The following PCDH15 variants were observed in gnomAD, a reference collection of about 807,000 sequenced individuals.
PCDH15 encodes protocadherin related 15, also known as protocadherin-15.
Under a neutral mutation model 178.5 loss-of-function variants are expected in PCDH15, and 129 were observed. The ratio of observed to expected loss-of-function variants is 0.72; its 90% CI spans 0.63 to 0.84. The LOEUF (loss-of-function observed/expected upper bound fraction) is 0.84, where lower values mean the gene tolerates loss of function less well. PCDH15 is among the 40% of genes least tolerant of loss of function. The pLI, the probability that PCDH15 is intolerant of heterozygous loss-of-function variation, is 0.00. For missense variants in PCDH15, 2,230 were observed against 2,099.9 expected (o/e 1.06, Z -1.21); for synonymous variants, 800 against 732.0 (o/e 1.09, Z -1.50).
chr10:54,697,534 T>TATATATATATATATAC (rs1256170283), intron 1 of PCDH15, among the ~76,000 whole-genome samples: 9 of 150,730 alleles, frequency 6.0e-5, no homozygotes, highest in African/African-American at 2.2e-4. Flanking sequence ...TATATATATA[T>TATATATATATATATAC]ACCTCTTTAC....
intron 2 of PCDH15, among the ~76,000 whole-genome samples, chr10:55,461,093 G>A (rs937310231): frequency 6.6e-6 from 1 of 152,122 alleles, no homozygotes; most frequent in African/African-American, 2.4e-5. Context: ...TGGGTGGCTT[G>A]TTTCAAGCTT....
chr10:55,098,052 A>C (rs537732471), intron 2 of PCDH15, among the ~76,000 whole-genome samples: 2 of 152,296 alleles, frequency 1.3e-5, no homozygotes, highest in East Asian at 3.9e-4. Context: ...AAAAAGGAAG[A>C]ACTGGAGGTG....
At chr10:55,442,483 A>T (rs371681680) in intron 2 of PCDH15, among the ~76,000 whole-genome samples, 2,088 of 124,308 alleles carry the variant, frequency 0.017, 62 homozygotes, top group African/African-American at 0.059. Context: ...TATATATATT[A>T]TATATATATA....
chr10:54,513,241 G>GTTTA (rs201541722), intron 3 of PCDH15, among the ~76,000 whole-genome samples: 18,603 of 145,904 alleles, frequency 0.13, 1,491 homozygotes, highest in African/African-American at 0.22. Context: ...ATTTATTTTT[G>GTTTA]TTTATTTATT....
chr10:55,030,295 G>T (rs1840578251), intron 2 of PCDH15, among the ~76,000 whole-genome samples: 1 of 152,098 alleles, frequency 6.6e-6, no homozygotes, highest in Non-Finnish European at 1.5e-5. Flanking sequence ...CATGCCAGAG[G>T]GCTGAGGAAT....
intron 11 of PCDH15, among the ~76,000 whole-genome samples, chr10:54,191,504 T>C (rs1218433711): frequency 6.6e-6 from 1 of 152,140 alleles, no homozygotes; most frequent in African/African-American, 2.4e-5. Flanking sequence ...CCAAATGTTA[T>C]AGGTGAATTA....
At chr10:55,398,170 C>CAAAA (rs11423297) in intron 2 of PCDH15, among the ~76,000 whole-genome samples, 1 of 145,680 alleles carries the variant, frequency 6.9e-6, no homozygotes, top group Non-Finnish European at 1.5e-5. Flanking sequence ...TCTGTTTTAC[C>CAAAA]AAAAAAAAAA....
At chr10:54,085,474 G>A (rs976163768) in intron 16 of PCDH15, among the ~76,000 whole-genome samples, 1 of 152,092 alleles carries the variant, frequency 6.6e-6, no homozygotes, top group Non-Finnish European at 1.5e-5. Context: ...ATATTTATAA[G>A]GGAAGTTGCC....
intron 2 of PCDH15, among the ~76,000 whole-genome samples, chr10:54,909,153 TG>T (rs1954776564): frequency 6.6e-6 from 1 of 152,150 alleles, no homozygotes; most frequent in Non-Finnish European, 1.5e-5. Context: ...TGTGCTGTCA[TG>T]GGTGGGCCCA....
At chr10:55,474,509 A>T (rs1256020483) in intron 2 of PCDH15, among the ~76,000 whole-genome samples, 1 of 152,210 alleles carries the variant, frequency 6.6e-6, no homozygotes, top group Non-Finnish European at 1.5e-5. Context: ...GGAGTTTCAC[A>T]GGTGAGAATC....
rs115862903 is a variant in PCDH15, at chr10:55,559,328, A to G, written c.-156+68297T>C. On this transcript the variant is annotated intron_variant, in intron 2 of 5. Transcript: ENST00000613346. Reference sequence around the variant, plus strand: ...TTAATTTTGAAAAGAAGTGTTGTATAACAACTTTTGTTACATTAATATAAT... The same window carrying G: ...TTAATTTTGAAAAGAAGTGTTGTATGACAACTTTTGTTACATTAATATAAT... 6.8e-3 allele frequency among the ~76,000 whole-genome samples: 1,035 copies of G among 152,180 alleles called. 13 individuals are homozygous for G. Among genetic ancestry groups the G allele is most frequent in the African/African-American group, 0.024 (987 of 41,554 alleles).
At chr10:54,288,687 G>C (rs551501966) in intron 8 of PCDH15, among the ~76,000 whole-genome samples, 2 of 152,188 alleles carry the variant, frequency 1.3e-5, no homozygotes, top group Admixed American at 1.3e-4. Context: ...CAAGGTCTTC[G>C]CAACTGGCAG....
In PCDH15 at chr10:53,918,557, T is replaced by C. The variant is rs1420462911; in HGVS notation, c.3374-15187A>G. 3.3e-5 allele frequency among the ~76,000 whole-genome samples: 5 copies of C among 152,204 alleles called. No homozygotes were observed. The South Asian group carries it at 6.2e-4, about 19-fold the overall frequency. On this transcript the variant is annotated intron_variant, in intron 25 of 37. Coordinates refer to ENST00000644397, the MANE Select transcript of PCDH15 (RefSeq NM_001384140.1). ...ACAAGTACAGTTGCCCCTTCTATAT[T>C]TGGATATCAACTGAAGAGTTATTAC...
intron 2 of PCDH15, among the ~76,000 whole-genome samples, chr10:55,020,143 TCTC>T (rs937200025): frequency 2.7e-5 from 4 of 149,244 alleles, no homozygotes; most frequent in Non-Finnish European, 5.9e-5. Flanking sequence ...TATAATTTCT[TCTC>T]CTTCCACTCT....
At chr10:54,788,253 T>C (rs1951076797) in intron 1 of PCDH15, among the ~76,000 whole-genome samples, 1 of 151,900 alleles carries the variant, frequency 6.6e-6, no homozygotes, top group Admixed American at 6.6e-5. Context: ...ATGTTATTAG[T>C]AGACGAAATA....
At chr10:55,370,835 G>A (rs1845490769) in intron 2 of PCDH15, among the ~76,000 whole-genome samples, 1 of 152,050 alleles carries the variant, frequency 6.6e-6, no homozygotes, top group Non-Finnish European at 1.5e-5. Context: ...GACTCACTCT[G>A]CAGTAGCATA....
chr10:55,553,161 T>A (rs1324897518), intron 2 of PCDH15, among the ~76,000 whole-genome samples: 4 of 151,626 alleles, frequency 2.6e-5, no homozygotes, highest in African/African-American at 9.6e-5. Flanking sequence ...ATGGTTAGAT[T>A]CTTTCAGCAA....
intron 2 of PCDH15, among the ~76,000 whole-genome samples, chr10:54,595,456 G>T (rs1216388048): frequency 6.6e-6 from 1 of 152,114 alleles, no homozygotes; most frequent in Non-Finnish European, 1.5e-5. Context: ...CCAAAGGACA[G>T]CAACTTCAAA....
At chr10:54,392,011 T>C (rs964209766) in intron 3 of PCDH15, among the ~76,000 whole-genome samples, 1 of 152,172 alleles carries the variant, frequency 6.6e-6, no homozygotes, top group Non-Finnish European at 1.5e-5. Flanking sequence ...AATAACACTG[T>C]GGTACTGGAC....
Sources: allele counts gnomAD v4.1 joint callset (sites outside exome capture counted in the v4.1 genomes callset), GRCh38; gene constraint gnomAD v4.1.1; transcripts MANE v1.5; gene names NCBI Gene and HGNC (gene_info 2026-07-23, HGNC 2026-07-21).